The following STAP2 variants were observed in gnomAD, a reference collection of about 807,000 sequenced individuals.
STAP2 encodes signal transducing adaptor family member 2.
In STAP2, 58 loss-of-function variants were observed where a neutral mutation model predicts 52.7. The observed-to-expected ratio is 1.10, with a 90% CI of 0.89 to 1.37. The LOEUF (loss-of-function observed/expected upper bound fraction) is 1.37. STAP2 is among the 40% of genes most tolerant of loss of function. STAP2 has a pLI of 0.00. For missense variants in STAP2, 522 were observed against 519.4 expected (o/e 1.00, Z -0.05); for synonymous variants, 231 against 210.5 (o/e 1.10, Z -0.84).
chr19:4,331,516 G>A (rs1217517195), intron 4 of STAP2, among the ~76,000 whole-genome samples: 3 of 152,028 alleles, frequency 2.0e-5, no homozygotes, highest in Non-Finnish European at 4.4e-5. Context: ...TGTAATCCCA[G>A]CTACTCGGGA....
At chr19:4,327,937 C>T (rs1467613091) in intron 6 of STAP2, among the ~76,000 whole-genome samples, 2 of 152,012 alleles carry the variant, frequency 1.3e-5, no homozygotes, top group Admixed American at 6.6e-5. Context: ...AAAAGGATCA[C>T]GGCCATGACT....
In STAP2 at chr19:4,324,052, C is replaced by A. The variant is rs1971741320; in HGVS notation, c.*81G>T. ...AAGCCAGACACATGGGTCCTGGGGT[C>A]AGAGTTTTAATCCTGGGAAAAAGAA... is the stretch of plus-strand genomic sequence containing the variant. On this transcript the variant is annotated 3_prime_UTR_variant, in exon 13 of 13. Coordinates refer to ENST00000594605, the MANE Select transcript of STAP2 (RefSeq NM_001013841.2). 1 of 1,449,494 alleles carries A rather than the reference C, an allele frequency of 6.9e-7. No individual in the cohort carries two copies. Among genetic ancestry groups the A allele is most frequent in the South Asian group, 1.2e-5 (1 of 81,964 alleles). 89.8% of individuals were successfully genotyped at this position (1,449,494 alleles called of 1,614,324 possible).
chr19:4,324,273 G>T, intron 12 of STAP2, 76 bp from the exon 13 acceptor site: 1 of 1,470,602 alleles, frequency 6.8e-7, no homozygotes. Flanking sequence ...CAGCCACCCA[G>T]GACCAGCTAC....
Position 4,327,299 on chromosome 19 carries a change from T to G in STAP2, c.660+17A>C. 1 of 1,614,142 alleles carries G rather than the reference T, an allele frequency of 6.2e-7. No individual in the cohort carries two copies. Among genetic ancestry groups the G allele is most frequent in the Non-Finnish European group, 8.5e-7 (1 of 1,179,988 alleles). ...ACCCCACAAAGTCACTTCTAGGGAC[T>G]CTGGCCCAACGCTCACCGGCTGTTC... is the stretch of plus-strand genomic sequence containing the variant. On this transcript the variant is annotated intron_variant, in intron 7 of 12. Coordinates refer to ENST00000594605, the MANE Select transcript of STAP2 (RefSeq NM_001013841.2).
chr19:4,328,673 A>T lies in STAP2; in HGVS notation c.590+2T>A. The T allele has an allele frequency of 7.2e-7, 1 of 1,383,678 alleles. No homozygotes were observed. Among genetic ancestry groups the T allele is most frequent in the Non-Finnish European group, 9.6e-7 (1 of 1,044,096 alleles). 85.7% of individuals were successfully genotyped at this position (1,383,678 alleles called of 1,614,324 possible). ...CAGGGCTCTCCAGACGCGCATGCGC[A>T]CCCGTTGTGCATCTGCCGCGTGGTG... On this transcript the variant is annotated splice_donor_variant, in intron 6 of 12. Coordinates refer to ENST00000594605, the MANE Select transcript of STAP2 (RefSeq NM_001013841.2). LOFTEE classifies it high-confidence loss of function.
rs113393476 is a variant in STAP2 at position 4,328,575 on chromosome 19, A to G, written c.590+100T>C. 7.4e-3 allele frequency: 10,749 copies of G among 1,457,882 alleles called. 137 individuals carry two copies. Among genetic ancestry groups the G allele is most frequent in the African/African-American group, 0.056 (3,930 of 69,860 alleles). 90.3% of individuals were successfully genotyped at this position (1,457,882 alleles called of 1,614,324 possible). A position where few individuals can be genotyped will look rare whatever the true frequency, so the allele number is the denominator to read the frequency against. ...TCTGGCTCCGTCCCCTGGCCTACCC[A>G]CTAGCGGGTCGGACTCCGCCCCTGC... On this transcript the variant is annotated intron_variant, in intron 6 of 12. Transcript: ENST00000594605.
chr19:4,327,317 G>A lies in STAP2; in HGVS notation c.659C>T (p.Pro220Leu). 1 of 1,614,124 alleles carries A rather than the reference G, an allele frequency of 6.2e-7. No homozygotes were observed. The change falls in exon 7 of 13, where the codon CCG (proline) becomes CTG (leucine). Residue 220 changes from proline (P) to leucine (L), a missense_variant and splice_region_variant. Coordinates refer to ENST00000594605, the MANE Select transcript of STAP2 (RefSeq NM_001013841.2). ...TAGGGACTCTGGCCCAACGCTCACC[G>A]GCTGTTCCACATCGATCACGTACTT... ...GPKYVIDVEQ[P>L]FSCTSLDAVV...
chr19:4,335,836 T>C (rs151071908), intron 1 of STAP2, among the ~76,000 whole-genome samples: 2 of 152,250 alleles, frequency 1.3e-5, no homozygotes, highest in East Asian at 1.9e-4. Context: ...AGGGCCTGCG[T>C]TGAGTCAAGT....
At chr19:4,328,568 C>T (rs1971834038) in intron 6 of STAP2, 107 bp downstream of exon 6, 3 of 1,442,090 alleles carry the variant, frequency 2.1e-6, no homozygotes, top group East Asian at 2.5e-5. Flanking sequence ...CGTCCCCTGG[C>T]CTACCCACTA....
intron 1 of STAP2, among the ~76,000 whole-genome samples, chr19:4,336,311 TGCC>T (rs1460233472): frequency 1.1e-4 from 15 of 130,560 alleles, no homozygotes; most frequent in Non-Finnish European, 1.9e-4. Context: ...CACTGCACAC[TGCC>T]TTTTTTTTTT....
At chr19:4,326,779 C>G (rs1568384877) in intron 9 of STAP2, among the ~76,000 whole-genome samples, 163 bp downstream of exon 9, 1 of 152,084 alleles carries the variant, frequency 6.6e-6, no homozygotes, top group African/African-American at 2.4e-5. Context: ...CCCGCCCCCT[C>G]CCCCACACAC....
intron 1 of STAP2, 143 bp downstream of exon 1, chr19:4,338,509 C>T (rs900998627): frequency 4.0e-6 from 3 of 742,132 alleles, no homozygotes; most frequent in Middle Eastern, 4.1e-4. Flanking sequence ...TGGCCAGAAC[C>T]CACCCCAGTC....
At chr19:4,329,769 C>G (rs1454656677) in intron 5 of STAP2, among the ~76,000 whole-genome samples, 192 bp downstream of exon 5, 2 of 152,084 alleles carry the variant, frequency 1.3e-5, no homozygotes, top group Non-Finnish European at 2.9e-5. Flanking sequence ...AGACCCGCTC[C>G]TGGAGATCCT....
chr19:4,327,511 A>C (rs1599548851), intron 6 of STAP2, 126 bp from the exon 7 acceptor site: 3 of 1,009,828 alleles, frequency 3.0e-6, no homozygotes, highest in Non-Finnish European at 4.4e-6. Flanking sequence ...CCGCCCCCAC[A>C]GAAGGCCCCG....
At chr19:4,336,235 G>A (rs887123459) in intron 1 of STAP2, among the ~76,000 whole-genome samples, 3 of 150,838 alleles carry the variant, frequency 2.0e-5, no homozygotes, top group African/African-American at 4.9e-5. Context: ...GGGTGTTCTC[G>A]AACTCCTGAC....
At chr19:4,328,590 T>TCCGCCCCTGCTTCTGACC (rs1337102183) in intron 6 of STAP2, 85 bp downstream of exon 6, 1 of 1,515,306 alleles carries the variant, frequency 6.6e-7, no homozygotes, top group Admixed American at 2.0e-5. Flanking sequence ...CGGGTCGGAC[T>TCCGCCCCTGCTTCTGACC]CCGCCCCTGC....
At chr19:4,328,925 C>G (rs1971843386) in intron 5 of STAP2, 116 bp from the exon 6 acceptor site, 1 of 1,415,398 alleles carries the variant, frequency 7.1e-7, no homozygotes, top group African/African-American at 1.4e-5. Context: ...CCCAGGAGAC[C>G]CTGCCCTGCT....
At chr19:4,330,388 G>A in intron 4 of STAP2, among the ~76,000 whole-genome samples, 1 of 151,854 alleles carries the variant, frequency 6.6e-6, no homozygotes, top group Non-Finnish European at 1.5e-5. Flanking sequence ...CGGGCGTGGT[G>A]GCAGACACCT....
chr19:4,338,546 G>GC (rs1972016080), intron 1 of STAP2, 106 bp downstream of exon 1: 7 of 1,005,238 alleles, frequency 7.0e-6, no homozygotes, highest in Non-Finnish European at 7.3e-6. Context: ...GCCCCATCCA[G>GC]CACCCACCCC....
Sources: allele counts gnomAD v4.1 joint callset (sites outside exome capture counted in the v4.1 genomes callset), GRCh38; gene constraint gnomAD v4.1.1; transcripts MANE v1.5; gene names NCBI Gene and HGNC (gene_info 2026-07-23, HGNC 2026-07-21).